KNL1: variants seen among roughly 807,000 people sequenced by gnomAD.
The protein encoded by KNL1 is kinetochore scaffold 1.
Under a neutral mutation model 201.3 loss-of-function variants are expected in KNL1, and 66 were observed. The observed-to-expected ratio is 0.33, with a 90% CI of 0.27 to 0.40. The LOEUF is 0.40. Among genes scored for constraint, KNL1 ranks in the 10% least tolerant of loss-of-function variants. KNL1 has a pLI of 1.00. For missense variants in KNL1, 2,815 were observed against 2,690.5 expected, an observed-to-expected ratio of 1.05 and a Z score of -1.02; for synonymous variants, 895 against 899.2, an observed-to-expected ratio of 1.00 and a Z score of 0.08.
intron 12 of KNL1, among the ~76,000 whole-genome samples, 200 bp from the exon 13 acceptor site, chr15:40,629,073 A>AT (rs1457191424): frequency 2.0e-5 from 3 of 152,132 alleles, no homozygotes; most frequent in Non-Finnish European, 4.4e-5. Context: ...GGGTTTTGGG[A>AT]TTTTTAAAAC....
intron 4 of KNL1, among the ~76,000 whole-genome samples, chr15:40,607,173 T>C (rs573286986): frequency 2.0e-5 from 3 of 152,362 alleles, no homozygotes; most frequent in African/African-American, 7.2e-5. Flanking sequence ...GTGTGGGTAT[T>C]ATAGGCATGA....
chr15:40,610,319 C>T (rs1300132739), intron 6 of KNL1, 22 bp downstream of exon 6: 1 of 1,270,648 alleles, frequency 7.9e-7, no homozygotes, highest in Admixed American at 1.8e-5. Flanking sequence ...ACTATAATTC[C>T]TGCTAAATCT....
chr15:40,623,028 A>G lies in KNL1; in HGVS notation c.2764A>G (p.Thr922Ala). 6.2e-7 allele frequency: 1 copy of G among 1,613,980 alleles called. No individual in the cohort carries two copies. Among genetic ancestry groups the G allele is most frequent in the Non-Finnish European group, 8.5e-7 (1 of 1,179,882 alleles). Reference sequence around the variant, plus strand: ...CATGGAGATCACTAGAAGTCACACAACTGCCTTAGAATGTAAAACTGTCTC... The same window carrying G: ...CATGGAGATCACTAGAAGTCACACAGCTGCCTTAGAATGTAAAACTGTCTC... ...DDMEITRSHT[T>A]ALECKTVSPD... The change falls in exon 10 of 26, where the codon ACT becomes GCT. Residue 922 changes from threonine (T) to alanine (A), a missense_variant. This residue lies in a region of KNL1 where 2,464 missense variants were observed against 2,291.7 expected (regional missense o/e 1.08). Transcript: ENST00000399668.
In KNL1 at chr15:40,624,635, G is replaced by C. The variant is rs1391918927; in HGVS notation, c.4371G>C (p.Gln1457His). 1.2e-6 allele frequency: 2 copies of C among 1,613,898 alleles called. No individual in the cohort carries two copies. Among genetic ancestry groups the C allele is most frequent in the Non-Finnish European group, 8.5e-7 (1 of 1,179,876 alleles). The change falls in exon 10 of 26, where the codon CAG (glutamine) becomes CAC (histidine). Residue 1457 changes from glutamine (Q) to histidine (H), a missense_variant. Gln to His is a conservative substitution (Grantham distance 24, BLOSUM62 0). Around this residue, in one of 3 missense-constraint regions of KNL1, gnomAD observed 2,464 missense variants for 2,291.7 expected, o/e 1.08. Transcript: ENST00000399668. ...TDQPPLPKKG[Q>H]SSINKEEVIL... ...AACCTCCATTACCTAAAAAAGGACAGAGTAGTATCAATAAAGAAGAAGTAA... is the reference window on the plus strand; with the variant it reads ...AACCTCCATTACCTAAAAAAGGACACAGTAGTATCAATAAAGAAGAAGTAA...
chr15:40,605,680 C>T (rs1165347294), intron 3 of KNL1, among the ~76,000 whole-genome samples: 2 of 152,154 alleles, frequency 1.3e-5, no homozygotes. Flanking sequence ...AAACTCCTGG[C>T]CTCAAGTGAT....
At chr15:40,651,089 CTG>C (rs139292212) in intron 19 of KNL1, among the ~76,000 whole-genome samples, 339 of 150,076 alleles carry the variant, frequency 2.3e-3, no homozygotes, top group Middle Eastern at 0.01. Flanking sequence ...AAAAAAAAAA[CTG>C]TGACATGTCT....
intron 1 of KNL1, among the ~76,000 whole-genome samples, chr15:40,596,972 C>A (rs543619573): frequency 1.4e-5 from 2 of 141,038 alleles, no homozygotes; most frequent in Admixed American, 1.5e-4. Flanking sequence ...TGTACTCCAG[C>A]CTGGGCAACA....
In KNL1 at chr15:40,625,304, T is replaced by C; in HGVS notation, c.5040T>C (p.Asp1680=). 2 of 1,614,112 alleles carry C rather than the reference T, an allele frequency of 1.2e-6. No homozygotes were observed. Among genetic ancestry groups the C allele is most frequent in the South Asian group, 2.2e-5 (2 of 91,080 alleles). The change falls in exon 10 of 26, where the codon GAT becomes GAC. Residue 1680 remains aspartate (D), a synonymous_variant. Transcript: ENST00000399668. ...DLEQIPADTT[D]INHLETQPVS... is the part of the protein sequence containing the mutation. ...AACAGATTCCAGCAGACACAACTGA[T>C]ATAAATCACTTAGAAACTCAGCCGG...
intron 1 of KNL1, among the ~76,000 whole-genome samples, chr15:40,602,196 T>A (rs893196295): frequency 4.0e-5 from 6 of 151,526 alleles, no homozygotes; most frequent in African/African-American, 1.5e-4. Flanking sequence ...CCAGCTAATT[T>A]TTTTTTTTTT....
At chr15:40,604,116 TATC>T (rs71104704) in intron 2 of KNL1, among the ~76,000 whole-genome samples, 7,338 of 149,500 alleles carry the variant, frequency 0.049, 605 homozygotes, top group African/African-American at 0.17. Flanking sequence ...CTGTCTCACA[TATC>T]ATCATCATCA....
intron 13 of KNL1, among the ~76,000 whole-genome samples, chr15:40,640,152 A>G (rs1893184139): frequency 7.5e-6 from 1 of 132,880 alleles, no homozygotes; most frequent in Non-Finnish European, 1.5e-5. Flanking sequence ...GCTGGAGTGC[A>G]GTGGCGCAAT....
intron 17 of KNL1, among the ~76,000 whole-genome samples, chr15:40,647,545 A>T (rs1207809729): frequency 2.0e-5 from 3 of 152,154 alleles, no homozygotes; most frequent in African/African-American, 7.2e-5. Flanking sequence ...ATAGTCATCC[A>T]TAATACAATC....
Position 40,619,024 on chromosome 15 carries a change from G to T in KNL1, c.375+13G>T. The T allele has an allele frequency of 1.3e-6, 2 of 1,515,242 alleles. No individual in the cohort carries two copies. The highest frequency in any genetic ancestry group is 1.8e-6 in the Non-Finnish European group (2 of 1,091,568). 93.9% of individuals were successfully genotyped at this position (1,515,242 alleles called of 1,614,324 possible). The stretch of plus-strand genomic sequence containing the variant: ...GCAACAGAAGGAGGTATGAGTTCAT[G>T]CAAATACCTTCATATTGTAATGTCA... On this transcript the variant is annotated intron_variant, in intron 9 of 25. Coordinates refer to ENST00000399668, the MANE Select transcript of KNL1 (RefSeq NM_144508.5).
chr15:40,631,212 G>A (rs561715412), intron 13 of KNL1, among the ~76,000 whole-genome samples: 50 of 152,216 alleles, frequency 3.3e-4, no homozygotes, highest in Admixed American at 6.5e-4. Context: ...CCCTCTTCCT[G>A]GTCCTTGGAG....
At chr15:40,656,898 AG>A in intron 22 of KNL1, 143 bp from the exon 23 acceptor site, 1 of 442,134 alleles carries the variant, frequency 2.3e-6, no homozygotes, top group Non-Finnish European at 4.0e-6. Context: ...AGAAAAAAAA[AG>A]AAAAAGAAAA....
chr15:40,623,776 C>G lies in KNL1; in HGVS notation c.3512C>G (p.Thr1171Ser), dbSNP rs751482337. 5 of 1,613,954 alleles carry G rather than the reference C, an allele frequency of 3.1e-6. No homozygotes were observed. Among genetic ancestry groups the G allele is most frequent in the Non-Finnish European group, 4.2e-6 (5 of 1,179,908 alleles). ...YSDLEVTDSHTVFIDCQATEK... is the reference protein window; with the variant it reads ...YSDLEVTDSHSVFIDCQATEK... ...GATCTGGAAGTCACCGATTCCCATA[C>G]TGTTTTCATTGACTGTCAAGCCACA... The change falls in exon 10 of 26, where the codon ACT becomes AGT. Residue 1171 changes from threonine to serine, a missense_variant. By Grantham distance (58) the Thr-to-Ser change is moderately conservative. This residue lies in a region of KNL1 where 2,464 missense variants were observed against 2,291.7 expected (regional missense o/e 1.08). Coordinates refer to ENST00000399668, the MANE Select transcript of KNL1 (RefSeq NM_144508.5).
chr15:40,611,807 G>T (rs1008334890), intron 7 of KNL1, among the ~76,000 whole-genome samples: 3 of 151,902 alleles, frequency 2.0e-5, no homozygotes, highest in African/African-American at 7.2e-5. Context: ...ACATAGAAAG[G>T]CAAATACCAG....
intron 14 of KNL1, among the ~76,000 whole-genome samples, chr15:40,642,432 A>G (rs1428632742): frequency 6.6e-6 from 1 of 152,168 alleles, no homozygotes; most frequent in African/African-American, 2.4e-5. Context: ...CGTAGTTTTA[A>G]AATCAGAAAT....
chr15:40,612,916 G>A (rs759599778), intron 7 of KNL1, among the ~76,000 whole-genome samples: 9 of 152,132 alleles, frequency 5.9e-5, no homozygotes, highest in East Asian at 1.9e-4. Flanking sequence ...TGGTAATATC[G>A]TTCAGAATTT....
Sources: gnomAD v4.1 joint callset for allele counts (sites outside exome capture counted in the v4.1 genomes callset) on GRCh38, gnomAD v4.1.1 for gene constraint, gnomAD v4.1.1 regional missense constraint, MANE v1.5 for transcripts, NCBI Gene and HGNC (gene_info 2026-07-23, HGNC 2026-07-21) for gene names.